MED25: variants seen among roughly 807,000 people sequenced by gnomAD.
The protein encoded by MED25 is mediator of RNA polymerase II transcription subunit 25.
In MED25, 62 loss-of-function variants were observed where a neutral mutation model predicts 89.4. The observed-to-expected ratio is 0.69, with a 90% CI of 0.57 to 0.86. The LOEUF (loss-of-function observed/expected upper bound fraction) is 0.86. Ranked by LOEUF, MED25 falls within the 40% of genes least tolerant of loss-of-function variation. MED25 has a pLI of 0.00. For synonymous variants in MED25, 449 were observed against 427.9 expected (o/e 1.05, Z -0.61); for missense variants, 905 against 1,005.2 (o/e 0.90, Z 1.35).
rs773588272 is a variant in MED25, at chr19:49,835,699, C to T, written c.1747-28C>T. ...AAGGGGCGTGAGGCCCTGCCCATCT[C>T]CCTCACCCCTGTGTCTCTTCCCACC... On this transcript the variant is annotated intron_variant, in intron 15 of 17. Coordinates refer to ENST00000312865, the MANE Select transcript of MED25 (RefSeq NM_030973.4). The surrounding 1 kb of genome is among the most constrained non-coding windows in gnomAD (Gnocchi z 6.2). 1 of 1,602,068 alleles carries T rather than the reference C, an allele frequency of 6.2e-7. No homozygotes were observed. The highest frequency in any genetic ancestry group is 8.5e-7 in the Non-Finnish European group (1 of 1,175,206).
intron 3 of MED25, among the ~76,000 whole-genome samples, chr19:49,825,565 G>T (rs1282474636): frequency 1.3e-5 from 2 of 151,834 alleles, no homozygotes; most frequent in African/African-American, 4.8e-5. Context: ...TGTTTTACAG[G>T]GTCATGCCTG....
At chr19:49,821,120 A>G (rs2073978755) in intron 3 of MED25, among the ~76,000 whole-genome samples, 1 of 152,208 alleles carries the variant, frequency 6.6e-6, no homozygotes, top group Non-Finnish European at 1.5e-5. Context: ...GCAGGATTGC[A>G]GCCATCCAGG....
intron 3 of MED25, among the ~76,000 whole-genome samples, chr19:49,824,110 T>G (rs555259674): frequency 1.6e-4 from 25 of 152,242 alleles, no homozygotes; most frequent in African/African-American, 5.3e-4. Context: ...CAGGGCCTGG[T>G]ACACAGGAGG....
intron 3 of MED25, among the ~76,000 whole-genome samples, chr19:49,822,051 C>G (rs1212009580): frequency 6.6e-6 from 1 of 151,334 alleles, no homozygotes. Flanking sequence ...ATGATGAGGT[C>G]AGGAGATGGA....
In MED25 at chr19:49,835,799, C is replaced by A. The variant is rs753402352; in HGVS notation, c.1819C>A (p.Pro607Thr). The change falls in exon 16 of 18, where the codon CCC (proline) becomes ACC (threonine). Residue 607 changes from proline to threonine, a missense_variant. By Grantham distance (38) the Pro-to-Thr change is conservative. Coordinates refer to ENST00000312865, the MANE Select transcript of MED25 (RefSeq NM_030973.4). This position sits in a 1 kb window ranked among gnomAD's most constrained non-coding sequence, Gnocchi z 6.2. ...GASGATGQPQ[P>T]QGTAQPPPGA... ...CTCTGGGGCCACGGGGCAGCCCCAG[C>A]CCCAAGGTACTGCCCAGCCCCCGCC... The A allele has an allele frequency of 6.2e-7, 1 of 1,606,284 alleles. No individual in the cohort carries two copies. The highest frequency in any genetic ancestry group is 8.5e-7 in the Non-Finnish European group (1 of 1,174,760).
intron 3 of MED25, among the ~76,000 whole-genome samples, chr19:49,824,571 C>T (rs1449953704): frequency 1.4e-5 from 2 of 138,702 alleles, no homozygotes; most frequent in East Asian, 2.0e-4. Flanking sequence ...GGTGAAAGAG[C>T]GAGACCCTGT....
chr19:49,819,230 C>T lies in MED25; in HGVS notation c.239C>T (p.Ser80Phe). ...VFNTVDCAPE[S>F]YVQCHAPTSS... is the part of the protein sequence containing the mutation. ...AACACAGTGGACTGCGCTCCCGAGT[C>T]CTACGTACAATGTCACGCTCCCACC... is the stretch of plus-strand genomic sequence containing the variant. Residue 80 changes from serine (S) to phenylalanine (F), a missense_variant, in exon 3 of 18, where the codon TCC becomes TTC. Physicochemically the swap from Ser to Phe is radical, Grantham distance 155. This residue lies in a region of MED25 where 501 missense variants were observed against 526.9 expected (regional missense o/e 0.95). Coordinates refer to ENST00000312865, the MANE Select transcript of MED25 (RefSeq NM_030973.4). 2 of 1,614,216 alleles carry T rather than the reference C, an allele frequency of 1.2e-6. No individual in the cohort carries two copies. Among genetic ancestry groups the T allele is most frequent in the Non-Finnish European group, 1.7e-6 (2 of 1,180,024 alleles).
At position 49,831,290 on chromosome 19, in the gene MED25, G is replaced by A. The variant is rs754956846; in HGVS notation, c.1102-43G>A. 19 of 1,596,120 alleles carry A rather than the reference G, an allele frequency of 1.2e-5. No homozygotes were observed. The East Asian group carries it at 3.6e-4, about 30-fold the overall frequency. On this transcript the variant is annotated intron_variant, in intron 9 of 17. Coordinates refer to ENST00000312865, the MANE Select transcript of MED25 (RefSeq NM_030973.4). This position sits in a 1 kb window ranked among gnomAD's most constrained non-coding sequence, Gnocchi z 5.0. ...CACAGGATGGCCCCCGGAGGCTCCC[G>A]GCCTTCCCCATTCTCATGGCCCTCC... is the stretch of plus-strand genomic sequence containing the variant.
At chr19:49,828,714 G>T (rs1420862698) in intron 4 of MED25, among the ~76,000 whole-genome samples, 167 bp downstream of exon 4, 1 of 152,222 alleles carries the variant, frequency 6.6e-6, no homozygotes, top group Non-Finnish European at 1.5e-5. Context: ...GGGACGCCTG[G>T]CCAGTGCCCG....
chr19:49,836,800 C>T lies in MED25; in HGVS notation c.2147-47C>T, dbSNP rs571810510. On this transcript the variant is annotated intron_variant, in intron 17 of 17. Transcript: ENST00000312865. This position sits in a 1 kb window ranked among gnomAD's most constrained non-coding sequence, Gnocchi z 5.1. ...CTTAGTGCCTCTGGGCCCTCCTGGGCCCAAGGGCCTACTGGGAGATGCAGT... is the reference window on the plus strand; with the variant it reads ...CTTAGTGCCTCTGGGCCCTCCTGGGTCCAAGGGCCTACTGGGAGATGCAGT... 7.4e-5 allele frequency: 110 copies of T among 1,485,748 alleles called. 1 individual carries two copies. In the South Asian group the frequency reaches 1.2e-3, roughly 16 times the overall value. 92.0% of individuals were successfully genotyped at this position (1,485,748 alleles called of 1,614,324 possible). A position where few individuals can be genotyped will look rare whatever the true frequency, so the allele number is the denominator to read the frequency against.
At chr19:49,823,960 C>T (rs535246956) in intron 3 of MED25, among the ~76,000 whole-genome samples, 3 of 152,214 alleles carry the variant, frequency 2.0e-5, no homozygotes, top group African/African-American at 4.8e-5. Context: ...TATAAAATAT[C>T]CTCTGGGAAG....
chr19:49,831,513 C>A lies in MED25; in HGVS notation c.1230+52C>A. 1 of 1,592,170 alleles carries A rather than the reference C, an allele frequency of 6.3e-7. No homozygotes were observed. Among genetic ancestry groups the A allele is most frequent in the Non-Finnish European group, 8.6e-7 (1 of 1,167,646 alleles). ...ACTTGGGACTCCTGGGGCCGTGGGG[C>A]TGGGCATGTAGGACTCATGGGGCCA... On this transcript the variant is annotated intron_variant, in intron 10 of 17. Coordinates refer to ENST00000312865, the MANE Select transcript of MED25 (RefSeq NM_030973.4). The surrounding 1 kb of genome is among the most constrained non-coding windows in gnomAD (Gnocchi z 5.0).
chr19:49,831,356 G>C lies in MED25; in HGVS notation c.1125G>C (p.Gly375=). The change falls in exon 10 of 18, where the codon GGG becomes GGC. Residue 375 remains glycine (G), a synonymous_variant. Coordinates refer to ENST00000312865, the MANE Select transcript of MED25 (RefSeq NM_030973.4). This position sits in a 1 kb window ranked among gnomAD's most constrained non-coding sequence, Gnocchi z 5.0. ...PSMAGTVAPG[G]VSGPSPAQLG... Reference sequence around the variant, plus strand: ...AGGCAGGCACTGTGGCCCCAGGAGGGGTGAGCGGCCCTTCCCCAGCCCAGC... The same window carrying C: ...AGGCAGGCACTGTGGCCCCAGGAGGCGTGAGCGGCCCTTCCCCAGCCCAGC... The C allele has an allele frequency of 6.2e-7, 1 of 1,611,178 alleles. No individual in the cohort carries two copies. The highest frequency in any genetic ancestry group is 1.1e-5 in the South Asian group (1 of 90,168).
chr19:49,836,651 G>A lies in MED25; in HGVS notation c.2147-196G>A. ...TGCTCCTGGGATTGCTGGGAAATGT[G>A]GTCTTAGGGCCAGAGAAGTAGTTTT... On this transcript the variant is annotated intron_variant, in intron 17 of 17. Transcript: ENST00000312865. This position sits in a 1 kb window ranked among gnomAD's most constrained non-coding sequence, Gnocchi z 5.1. The A allele has an allele frequency of 1.4e-6, 1 of 738,160 alleles. No homozygotes were observed. Among genetic ancestry groups the A allele is most frequent in the Non-Finnish European group, 2.4e-6 (1 of 408,342 alleles). 45.7% of individuals were successfully genotyped at this position (738,160 alleles called of 1,614,324 possible).
At position 49,835,884 on chromosome 19, in the gene MED25, T is replaced by A; in HGVS notation, c.1904T>A (p.Leu635His). 1 of 1,612,632 alleles carries A rather than the reference T, an allele frequency of 6.2e-7. No individual in the cohort carries two copies. Among genetic ancestry groups the A allele is most frequent in the South Asian group, 1.1e-5 (1 of 91,076 alleles). The change falls in exon 16 of 18, where the codon CTT (leucine) becomes CAT (histidine). Residue 635 changes from leucine (L) to histidine (H), a missense_variant. Transcript: ENST00000312865. The surrounding 1 kb of genome is among the most constrained non-coding windows in gnomAD (Gnocchi z 6.2). ...GGCCCACCCCCTCCTGGACCCATCC[T>A]TCGGCCCCAGAACCCTGGGGCCAAC... is the stretch of plus-strand genomic sequence containing the variant. ...ASGPPPPGPI[L>H]RPQNPGANPQ...
chr19:49,827,586 C>G (rs1469435351), intron 3 of MED25, among the ~76,000 whole-genome samples: 2 of 152,178 alleles, frequency 1.3e-5, no homozygotes, highest in African/African-American at 4.8e-5. Context: ...TTCTCCTTTT[C>G]ACAGACACCA....
At position 49,830,916 on chromosome 19, in the gene MED25, C is replaced by T. The variant is rs1568623336; in HGVS notation, c.1101+29C>T. ...GGTGCCTGCACGCCTCCTGCCCCTG[C>T]TCCTTCCTCCTGCTGTCCACAGCTA... On this transcript the variant is annotated intron_variant, in intron 9 of 17. Transcript: ENST00000312865. The surrounding 1 kb of genome is among the most constrained non-coding windows in gnomAD (Gnocchi z 4.6). 1.3e-6 allele frequency: 2 copies of T among 1,594,634 alleles called. No homozygotes were observed. Among genetic ancestry groups the T allele is most frequent in the South Asian group, 2.2e-5 (2 of 90,878 alleles).
Position 49,830,184 on chromosome 19 carries a change from A to G in MED25, c.785A>G (p.Gln262Arg). 1 of 1,598,900 alleles carries G rather than the reference A, an allele frequency of 6.3e-7. No homozygotes were observed. The highest frequency in any genetic ancestry group is 1.7e-4 in the Middle Eastern group (1 of 6,008). ...PSGATLSAAPQQPLPPVPPQY... is the reference protein window; with the variant it reads ...PSGATLSAAPRQPLPPVPPQY... ...GGTGCCACTCTCTCAGCAGCCCCCC[A>G]GCAGCCTCTGCCCCCCGTCCCCCCG... The change falls in exon 7 of 18, where the codon CAG becomes CGG. Residue 262 changes from glutamine to arginine, a missense_variant. Gln to Arg is a conservative substitution (Grantham distance 43, BLOSUM62 1). This residue lies in a region of MED25 where 501 missense variants were observed against 526.9 expected (regional missense o/e 0.95). Transcript: ENST00000312865. This position sits in a 1 kb window ranked among gnomAD's most constrained non-coding sequence, Gnocchi z 4.6.
Position 49,830,196 on chromosome 19 carries a change from C to T in MED25, c.797C>T (p.Pro266Leu), listed in dbSNP as rs1486961071. The change falls in exon 7 of 18, where the codon CCC (proline) becomes CTC (leucine). Residue 266 changes from proline to leucine, a missense_variant. Around this residue, in one of 3 missense-constraint regions of MED25, gnomAD observed 501 missense variants for 526.9 expected, o/e 0.95. Transcript: ENST00000312865. This position sits in a 1 kb window ranked among gnomAD's most constrained non-coding sequence, Gnocchi z 4.6. ...TCAGCAGCCCCCCAGCAGCCTCTGC[C>T]CCCCGTCCCCCCGCAGTACCAGGTA... Reference protein sequence around the residue: ...TLSAAPQQPLPPVPPQYQVPG... With the variant: ...TLSAAPQQPLLPVPPQYQVPG... 6.2e-7 allele frequency: 1 copy of T among 1,606,798 alleles called. No homozygotes were observed. The highest frequency in any genetic ancestry group is 2.2e-5 in the East Asian group (1 of 44,754).
Sources: allele counts gnomAD v4.1 joint callset (sites outside exome capture counted in the v4.1 genomes callset), GRCh38; gene constraint gnomAD v4.1.1; regional missense constraint gnomAD v4.1.1; non-coding constraint Gnocchi (gnomAD v3.1); transcripts MANE v1.5; gene names NCBI Gene and HGNC (gene_info 2026-07-23, HGNC 2026-07-21).